The following RNPC3 variants were observed in gnomAD, a reference collection of about 807,000 sequenced individuals.
RNPC3 encodes RNA binding region (RNP1, RRM) containing 3.
RNPC3 carries 48 observed loss-of-function variants against 67.5 expected under a neutral mutation model. The observed-to-expected ratio is 0.71, with a 90% CI of 0.56 to 0.90. RNPC3 has a LOEUF of 0.90. Ranked by LOEUF, RNPC3 falls within the 40% of genes least tolerant of loss-of-function variation. The pLI is 0.00. For synonymous variants in RNPC3, 239 were observed against 210.3 expected (o/e 1.14, Z -1.18); for missense variants, 637 against 626.1 (o/e 1.02, Z -0.19).
intron 4 of RNPC3, 66 bp from the exon 5 acceptor site, chr1:103,535,264 C>T: frequency 9.9e-7 from 1 of 1,008,002 alleles, no homozygotes; most frequent in South Asian, 1.4e-5. Flanking sequence ...TATCAGGTTA[C>T]CTAAAATGAG....
rs1282203915 is a variant in RNPC3 at position 103,534,811 on chromosome 1, G to A, written c.397G>A (p.Glu133Lys). 1.3e-6 allele frequency: 2 copies of A among 1,532,276 alleles called. No individual in the cohort carries two copies. Among genetic ancestry groups the A allele is most frequent in the East Asian group, 4.9e-5 (2 of 40,744 alleles). The allele number at this position is 1,532,276 out of a possible 1,614,324, so 94.9% of individuals were successfully genotyped here. Residue 133 changes from glutamate (E) to lysine (K), a missense_variant, in exon 4 of 15, where the codon GAA becomes AAA. Transcript: ENST00000423855. ...TGTCGAAGATGATAAAGAAAAAAAA[G>A]AACTTGGTTATTTAACAGTAGAAAA... is the stretch of plus-strand genomic sequence containing the variant. ...DPVEDDKEKKELGYLTVENGI... is the reference protein window; with the variant it reads ...DPVEDDKEKKKLGYLTVENGI...
intron 7 of RNPC3, among the ~76,000 whole-genome samples, chr1:103,538,000 T>A (rs1215743356): frequency 1.3e-5 from 2 of 151,952 alleles, no homozygotes; most frequent in Non-Finnish European, 2.9e-5. Flanking sequence ...TGTGCCACCA[T>A]GCCTGGATAA....
intron 7 of RNPC3, among the ~76,000 whole-genome samples, chr1:103,539,975 G>T (rs936948204): frequency 1.3e-5 from 2 of 152,076 alleles, no homozygotes; most frequent in Non-Finnish European, 2.9e-5. Context: ...CAATCTGCCC[G>T]CATCAGTCCC....
chr1:103,541,667 C>T (rs796458713), intron 8 of RNPC3, among the ~76,000 whole-genome samples, 192 bp downstream of exon 8: 3 of 152,154 alleles, frequency 2.0e-5, no homozygotes, highest in Admixed American at 1.3e-4. Flanking sequence ...CTGTCGTAAG[C>T]CTTAAGGTAT....
In RNPC3 at chr1:103,525,928, A is replaced by C. The variant is rs1650690154; in HGVS notation, c.-143A>C. The C allele has an allele frequency of 1.5e-6, 1 of 675,150 alleles. No individual in the cohort carries two copies. Among genetic ancestry groups the C allele is most frequent in the African/African-American group, 1.8e-5 (1 of 54,814 alleles). 41.8% of individuals were successfully genotyped at this position (675,150 alleles called of 1,614,324 possible). A position where few individuals can be genotyped will look rare whatever the true frequency, so the allele number is the denominator to read the frequency against. ...TTTTCGGTGGCGCAGTTCTCGCGAG[A>C]AGGTGACTTTCTTTCTCGGTATTTC... On this transcript the variant is annotated 5_prime_UTR_variant, in exon 1 of 15. Coordinates refer to ENST00000423855, the MANE Select transcript of RNPC3 (RefSeq NM_017619.4).
intron 3 of RNPC3, among the ~76,000 whole-genome samples, chr1:103,534,423 A>T (rs1204821808): frequency 6.6e-6 from 1 of 152,048 alleles, no homozygotes; most frequent in Non-Finnish European, 1.5e-5. Context: ...AGTGATTATG[A>T]CACACATTAA....
intron 2 of RNPC3, among the ~76,000 whole-genome samples, chr1:103,533,452 G>T (rs1476181502): frequency 6.6e-6 from 1 of 152,018 alleles, no homozygotes; most frequent in Non-Finnish European, 1.5e-5. Flanking sequence ...TTGAAAGTGA[G>T]GCCAGGGAAA....
chr1:103,553,017 G>A (rs773038869), intron 14 of RNPC3, among the ~76,000 whole-genome samples: 35 of 151,974 alleles, frequency 2.3e-4, no homozygotes, highest in Non-Finnish European at 4.0e-4. Flanking sequence ...AAAAGAACAC[G>A]AAGTAATTGG....
chr1:103,541,231 A>G (rs1570621980), intron 7 of RNPC3, 119 bp from the exon 8 acceptor site: 1 of 676,670 alleles, frequency 1.5e-6, no homozygotes, highest in East Asian at 3.5e-5. Context: ...TGATGTAAGT[A>G]AATCATTTTA....
chr1:103,534,726 T>A, intron 3 of RNPC3, 48 bp from the exon 4 acceptor site: 1 of 1,078,566 alleles, frequency 9.3e-7, no homozygotes, highest in Non-Finnish European at 1.3e-6. Context: ...GTGTGCAGTT[T>A]TTCACCCTTT....
rs1248465548 is a variant in RNPC3, at chr1:103,541,468, T to C, written c.886T>C (p.Ser296Pro). The C allele has an allele frequency of 2.0e-6, 3 of 1,492,226 alleles. No homozygotes were observed. The highest frequency in any genetic ancestry group is 2.7e-6 in the Non-Finnish European group (3 of 1,130,450). The allele number at this position is 1,492,226 out of a possible 1,614,324, so 92.4% of individuals were successfully genotyped here. A position where few individuals can be genotyped will look rare whatever the true frequency, so the allele number is the denominator to read the frequency against. Residue 296 changes from serine to proline, a missense_variant, in exon 8 of 15, where the codon TCA becomes CCA. Ser to Pro is a moderately conservative substitution (Grantham distance 74). Around this residue, in one of 3 missense-constraint regions of RNPC3, gnomAD observed 536 missense variants for 500.3 expected, o/e 1.07. Transcript: ENST00000423855. ...KDMLNTPLCP[S>P]HSSLHPVLLP... The stretch of plus-strand genomic sequence containing the variant: ...TATGTTGAATACACCTTTGTGTCCT[T>C]CACACAGGTAATTTTATTTGAACTA...
intron 6 of RNPC3, among the ~76,000 whole-genome samples, chr1:103,536,766 T>C (rs1247138369): frequency 2.6e-5 from 4 of 151,512 alleles, no homozygotes; most frequent in African/African-American, 9.7e-5. Context: ...CTATTAACTT[T>C]AGGATTTGTT....
At chr1:103,526,295 A>C in intron 1 of RNPC3, 33 bp downstream of exon 1, 1 of 1,496,652 alleles carries the variant, frequency 6.7e-7, no homozygotes, top group South Asian at 1.3e-5. Flanking sequence ...TCTCCCGGGA[A>C]GGCATTTGGG....
At chr1:103,551,389 A>G in intron 13 of RNPC3, 3 of 351,264 alleles carry the variant, frequency 8.5e-6, no homozygotes, top group Non-Finnish European at 1.5e-5. Context: ...GAACTAATTC[A>G]TTTTATCATT....
rs1454797433 is a variant in RNPC3, at chr1:103,525,770, C to T, written c.-301C>T. The T allele has an allele frequency of 4.0e-6, 1 of 252,568 alleles. No homozygotes were observed. Among genetic ancestry groups the T allele is most frequent in the African/African-American group, 2.2e-5 (1 of 44,704 alleles). 15.6% of individuals were successfully genotyped at this position (252,568 alleles called of 1,614,324 possible). ...AAGTGGCTGGGGTTCCTGTTTCCTT[C>T]TTTGATTGACAACTTGTGTTAACCC... is the stretch of plus-strand genomic sequence containing the variant. On this transcript the variant is annotated 5_prime_UTR_variant, in exon 1 of 15. Transcript: ENST00000423855.
At chr1:103,547,478 C>T (rs1651274764) in intron 12 of RNPC3, among the ~76,000 whole-genome samples, 1 of 152,092 alleles carries the variant, frequency 6.6e-6, no homozygotes, top group South Asian at 2.1e-4. Flanking sequence ...GTTTTCTGGG[C>T]CCACCTGCAG....
chr1:103,526,352 G>A (rs146220056), intron 1 of RNPC3, 90 bp downstream of exon 1: 1 of 1,106,870 alleles, frequency 9.0e-7, no homozygotes, highest in African/African-American at 1.6e-5. Context: ...ATGGAAACGA[G>A]TGGGGAAGAT....
chr1:103,526,321 G>A (rs1055614531), intron 1 of RNPC3, 59 bp downstream of exon 1: 36 of 1,418,166 alleles, frequency 2.5e-5, no homozygotes, highest in Admixed American at 5.0e-5. Flanking sequence ...ACCGGGGAGG[G>A]GGAGCGCTGA....
intron 12 of RNPC3, among the ~76,000 whole-genome samples, chr1:103,550,470 T>C (rs1297766340): frequency 6.6e-6 from 1 of 151,782 alleles, no homozygotes. Context: ...TGAAACCCCA[T>C]CTCTACTAAA....
Sources: allele counts gnomAD v4.1 joint callset (sites outside exome capture counted in the v4.1 genomes callset), GRCh38; gene constraint gnomAD v4.1.1; regional missense constraint gnomAD v4.1.1; transcripts MANE v1.5; gene names NCBI Gene and HGNC (gene_info 2026-07-23, HGNC 2026-07-21).